AFG2A: variants seen among roughly 807,000 people sequenced by gnomAD.
AFG2A encodes the protein ATPase family gene 2 protein homolog A.
chr4:123,269,662 T>C, the AFG2A span, among the ~76,000 whole-genome samples: 1 of 152,234 alleles, frequency 6.6e-6, no homozygotes, highest in African/African-American at 2.4e-5. Context: ...CTTGTAAGTA[T>C]GAGCTGAGAC....
the AFG2A span, among the ~76,000 whole-genome samples, chr4:123,239,836 C>T: frequency 6.6e-6 from 1 of 152,278 alleles, no homozygotes; most frequent in African/African-American, 2.4e-5. Flanking sequence ...ACAATACTAA[C>T]CTTAAATGTA....
chr4:122,948,124 T>G, the AFG2A span, among the ~76,000 whole-genome samples: 1 of 152,068 alleles, frequency 6.6e-6, no homozygotes, highest in Non-Finnish European at 1.5e-5. Context: ...TTATGCATAG[T>G]TTTTTGACTG....
the AFG2A span, among the ~76,000 whole-genome samples, chr4:123,169,693 C>A: frequency 6.6e-6 from 1 of 152,228 alleles, no homozygotes; most frequent in Non-Finnish European, 1.5e-5. Context: ...ATTGGTCAGG[C>A]TGGTCTTGAA....
the AFG2A span, among the ~76,000 whole-genome samples, chr4:123,121,742 G>A: frequency 2.6e-5 from 4 of 152,254 alleles, no homozygotes; most frequent in Middle Eastern, 3.4e-3. Flanking sequence ...ACTTAAGGAT[G>A]CACTTCTCAG....
At chr4:123,004,808 T>G in the AFG2A span, among the ~76,000 whole-genome samples, 1 of 152,246 alleles carries the variant, frequency 6.6e-6, no homozygotes. Context: ...GTATTATTTT[T>G]CCCTTATATG....
chr4:123,204,399 C>T, the AFG2A span, among the ~76,000 whole-genome samples: 2 of 152,152 alleles, frequency 1.3e-5, no homozygotes, highest in East Asian at 1.9e-4. Flanking sequence ...ATTTCATATT[C>T]TAGTAGGTAT....
At chr4:123,016,620 C>T in the AFG2A span, among the ~76,000 whole-genome samples, 390 of 149,894 alleles carry the variant, frequency 2.6e-3, 7 homozygotes, top group East Asian at 0.021. Flanking sequence ...CGGGCAGAGA[C>T]GCTCCTCACT....
At chr4:123,233,710 CATGGGTGT>C in the AFG2A span, among the ~76,000 whole-genome samples, 1 of 150,120 alleles carries the variant, frequency 6.7e-6, no homozygotes, top group African/African-American at 2.5e-5. Context: ...CATTTTCATA[CATGGGTGT>C]ATGTGTGTGT....
the AFG2A span, among the ~76,000 whole-genome samples, chr4:123,254,348 C>A: frequency 6.6e-6 from 1 of 152,030 alleles, no homozygotes; most frequent in East Asian, 1.9e-4. Flanking sequence ...TTCTAGTATT[C>A]ACAGTACCAT....
At chr4:123,285,661 C>A in the AFG2A span, among the ~76,000 whole-genome samples, 1 of 151,986 alleles carries the variant, frequency 6.6e-6, no homozygotes, top group Non-Finnish European at 1.5e-5. Flanking sequence ...TTTTATGTTA[C>A]CAGGCTCCCA....
chr4:123,002,862 A>G, the AFG2A span, among the ~76,000 whole-genome samples: 110 of 152,244 alleles, frequency 7.2e-4, no homozygotes, highest in Middle Eastern at 0.014. Context: ...GCCTTGCTGG[A>G]TTGGGGAAGT....
At chr4:123,243,508 A>G in the AFG2A span, among the ~76,000 whole-genome samples, 1 of 152,154 alleles carries the variant, frequency 6.6e-6, no homozygotes, top group Non-Finnish European at 1.5e-5. Context: ...CAGAAAACCA[A>G]ACACCACATG....
chr4:123,117,857 A>T, the AFG2A span, among the ~76,000 whole-genome samples: 10 of 148,680 alleles, frequency 6.7e-5, no homozygotes, highest in East Asian at 6.1e-4. Flanking sequence ...TTATTTTTTT[A>T]ATTTTTTTTT....
chr4:123,019,941 A>C, the AFG2A span, among the ~76,000 whole-genome samples: 1 of 152,218 alleles, frequency 6.6e-6, no homozygotes, highest in Non-Finnish European at 1.5e-5. Flanking sequence ...ACTTAGGTTA[A>C]GAAAATTTCC....
the AFG2A span, among the ~76,000 whole-genome samples, chr4:122,986,579 T>C: frequency 7.1e-3 from 1,084 of 152,136 alleles, 12 homozygotes; most frequent in African/African-American, 0.025. Flanking sequence ...TATAATGGAC[T>C]TCAGGGACTT....
chr4:122,939,373 C>T, the AFG2A span, among the ~76,000 whole-genome samples: 10 of 152,198 alleles, frequency 6.6e-5, no homozygotes, highest in South Asian at 2.1e-4. Context: ...TGAGCCACCG[C>T]GCCCAGCCGG....
chr4:123,134,362 C>T, the AFG2A span, among the ~76,000 whole-genome samples: 3 of 152,242 alleles, frequency 2.0e-5, no homozygotes, highest in African/African-American at 7.2e-5. Flanking sequence ...AGAGACTGTC[C>T]TTTCCCCATT....
the AFG2A span, among the ~76,000 whole-genome samples, chr4:123,069,149 C>A: frequency 2.0e-5 from 3 of 152,116 alleles, no homozygotes; most frequent in Admixed American, 2.0e-4. Context: ...TAAAGGCCAA[C>A]AAAGGATAGC....
chr4:123,007,442 T>C, the AFG2A span, among the ~76,000 whole-genome samples: 1 of 151,494 alleles, frequency 6.6e-6, no homozygotes. Flanking sequence ...ACACAGGGTT[T>C]TCTCTTTGTT....
Sources: allele counts gnomAD v4.1 joint callset (sites outside exome capture counted in the v4.1 genomes callset), GRCh38; gene constraint gnomAD v4.1.1; transcripts MANE v1.5; gene names NCBI Gene and HGNC (gene_info 2026-07-23, HGNC 2026-07-21).